LOC128462377: variants seen among roughly 807,000 people sequenced by gnomAD.
the LOC128462377 span, among the ~76,000 whole-genome samples, chr16:89,345,909 C>T: frequency 3.0e-3 from 450 of 152,154 alleles, 2 homozygotes; most frequent in African/African-American, 9.5e-3. Context: ...TAAGACGGTC[C>T]GACATTTATG....
chr16:89,331,697 T>G, the LOC128462377 span, among the ~76,000 whole-genome samples: 4 of 152,194 alleles, frequency 2.6e-5, no homozygotes, highest in African/African-American at 9.6e-5. Context: ...CACAGCTCCC[T>G]ACAGCCTCGA....
the LOC128462377 span, among the ~76,000 whole-genome samples, chr16:89,379,078 CCA>C: frequency 7.9e-5 from 12 of 152,304 alleles, no homozygotes; most frequent in East Asian, 2.3e-3. Flanking sequence ...TCGTCCATGC[CCA>C]GAACGTCGGC....
the LOC128462377 span, among the ~76,000 whole-genome samples, chr16:89,329,999 A>T: frequency 7.2e-6 from 1 of 138,690 alleles, no homozygotes; most frequent in East Asian, 1.9e-4. Flanking sequence ...TGTCTCAAAA[A>T]TAAAATAAAA....
chr16:89,322,735 G>C, the LOC128462377 span, among the ~76,000 whole-genome samples: 1 of 152,252 alleles, frequency 6.6e-6, no homozygotes, highest in African/African-American at 2.4e-5. Flanking sequence ...TGTGGCACCA[G>C]GGGCTTGCTC....
At chr16:89,383,224 G>A in the LOC128462377 span, among the ~76,000 whole-genome samples, 1 of 152,310 alleles carries the variant, frequency 6.6e-6, no homozygotes, top group African/African-American at 2.4e-5. Context: ...GGAGCCACAA[G>A]AGCAAAGTGT....
the LOC128462377 span, among the ~76,000 whole-genome samples, chr16:89,356,780 CAA>C: frequency 7.7e-5 from 8 of 103,958 alleles, no homozygotes; most frequent in Non-Finnish European, 5.6e-5. Flanking sequence ...GACTCCGTCT[CAA>C]AAAAAAAAAA....
chr16:89,347,607 T>TAAAAA, the LOC128462377 span, among the ~76,000 whole-genome samples: 11 of 127,350 alleles, frequency 8.6e-5, no homozygotes, highest in African/African-American at 2.1e-4. Flanking sequence ...CGAGACTCCG[T>TAAAAA]AAAAAAAAAA....
the LOC128462377 span, among the ~76,000 whole-genome samples, chr16:89,375,011 A>C: frequency 1.3e-5 from 2 of 152,148 alleles, no homozygotes; most frequent in African/African-American, 2.4e-5. Context: ...AACTATACAC[A>C]GATTATAAAA....
At chr16:89,365,290 C>T in the LOC128462377 span, among the ~76,000 whole-genome samples, 1 of 152,166 alleles carries the variant, frequency 6.6e-6, no homozygotes, top group Non-Finnish European at 1.5e-5. Context: ...GTAGTCTAAA[C>T]CCTTGTGTCA....
the LOC128462377 span, among the ~76,000 whole-genome samples, chr16:89,329,995 A>AAAAAAAAAATAAAAT: frequency 6.8e-6 from 1 of 146,212 alleles, no homozygotes; most frequent in African/African-American, 2.6e-5. Context: ...ACCTTGTCTC[A>AAAAAAAAAATAAAAT]AAAATAAAAT....
the LOC128462377 span, chr16:89,324,515 T>C: frequency 1.1e-5 from 5 of 456,088 alleles, no homozygotes; most frequent in East Asian, 3.5e-4. Context: ...TTGAGGAAGC[T>C]GCCAAAGGAG....
chr16:89,334,143 T>TA, the LOC128462377 span, among the ~76,000 whole-genome samples: 1 of 80,404 alleles, frequency 1.2e-5, no homozygotes, highest in South Asian at 4.0e-4. Context: ...ACCCTGTGTT[T>TA]TAAAAAAAAA....
chr16:89,413,496 G>A, the LOC128462377 span, among the ~76,000 whole-genome samples: 1 of 152,122 alleles, frequency 6.6e-6, no homozygotes, highest in East Asian at 1.9e-4. Flanking sequence ...GTGGTGGCGG[G>A]CACCTATAGT....
the LOC128462377 span, among the ~76,000 whole-genome samples, chr16:89,328,740 G>C: frequency 3.7e-4 from 53 of 142,422 alleles, no homozygotes; most frequent in Non-Finnish European, 6.7e-4. Context: ...ACATACCCAG[G>C]AGCACGGGCG....
the LOC128462377 span, among the ~76,000 whole-genome samples, chr16:89,393,391 T>C: frequency 7.3e-5 from 11 of 151,458 alleles, no homozygotes; most frequent in East Asian, 3.9e-4. Flanking sequence ...TGGCGCAATA[T>C]TGGCTCACTG....
the LOC128462377 span, among the ~76,000 whole-genome samples, chr16:89,404,730 C>CA: frequency 6.6e-6 from 1 of 152,254 alleles, no homozygotes; most frequent in Non-Finnish European, 1.5e-5. Context: ...GCCTGGAGAA[C>CA]AGGCAGGGAC....
At chr16:89,352,301 C>A in the LOC128462377 span, among the ~76,000 whole-genome samples, 4 of 152,080 alleles carry the variant, frequency 2.6e-5, no homozygotes, top group South Asian at 2.1e-4. Flanking sequence ...ATGCATCACG[C>A]CACGCGGTGC....
At chr16:89,382,473 G>A in the LOC128462377 span, among the ~76,000 whole-genome samples, 3 of 151,992 alleles carry the variant, frequency 2.0e-5, no homozygotes, top group African/African-American at 4.8e-5. Context: ...TCACAGGTGC[G>A]TGCCACCAAG....
the LOC128462377 span, among the ~76,000 whole-genome samples, chr16:89,366,972 G>T: frequency 6.6e-6 from 1 of 152,230 alleles, no homozygotes; most frequent in Non-Finnish European, 1.5e-5. Flanking sequence ...GGCTGGATTA[G>T]GTCCGCTGAT....
Sources: allele counts gnomAD v4.1 joint callset (sites outside exome capture counted in the v4.1 genomes callset), GRCh38; gene constraint gnomAD v4.1.1; transcripts MANE v1.5.